The following ELL2 variants were observed in gnomAD, a reference collection of about 807,000 sequenced individuals.
ELL2 encodes RNA polymerase II elongation factor ELL2.
In ELL2, 21 loss-of-function variants were observed where a neutral mutation model predicts 72.8. That is an observed-to-expected ratio of 0.29 (90% CI 0.20 to 0.42). The LOEUF is 0.42. Among genes scored for constraint, ELL2 ranks in the 10% least tolerant of loss-of-function variants. The probability of loss-of-function intolerance (pLI) is 1.00; values close to 1 mark genes in which losing one functional copy is unlikely to be tolerated. For synonymous variants in ELL2, 266 were observed against 283.2 expected (o/e 0.94, Z 0.61); for missense variants, 568 against 772.8 (o/e 0.73, Z 3.14).
In ELL2 at chr5:95,887,527, A is replaced by G. The variant is rs1161730268; in HGVS notation, c.*1344T>C. ...CTTTGAAAAGACAATACAATAAGAC[A>G]ATACAACTTGAATCAACATTAATTC... On this transcript the variant is annotated 3_prime_UTR_variant, in exon 12 of 12. Coordinates refer to ENST00000237853, the MANE Select transcript of ELL2 (RefSeq NM_012081.6). 6.5e-6 allele frequency: 1 copy of G among 152,672 alleles called. No individual in the cohort carries two copies. Among genetic ancestry groups the G allele is most frequent in the Non-Finnish European group, 1.5e-5 (1 of 68,032 alleles). 9.5% of individuals were successfully genotyped at this position (152,672 alleles called of 1,614,324 possible).
chr5:95,958,560 C>T (rs1751701778), intron 1 of ELL2, among the ~76,000 whole-genome samples: 1 of 152,220 alleles, frequency 6.6e-6, no homozygotes. Flanking sequence ...ACTCCAATTC[C>T]TGCTTGCTTG....
intron 4 of ELL2, among the ~76,000 whole-genome samples, chr5:95,912,392 G>A (rs966398175): frequency 6.6e-6 from 1 of 152,056 alleles, no homozygotes; most frequent in African/African-American, 2.4e-5. Context: ...ACAACAATTT[G>A]CCTCACTGTT....
chr5:95,902,545 T>A (rs905393588), intron 5 of ELL2, among the ~76,000 whole-genome samples: 5 of 152,226 alleles, frequency 3.3e-5, no homozygotes, highest in African/African-American at 7.2e-5. Context: ...GACTTCCTAC[T>A]GGAATAGATC....
chr5:95,899,203 G>C (rs1057255653), intron 7 of ELL2, among the ~76,000 whole-genome samples: 2 of 152,182 alleles, frequency 1.3e-5, no homozygotes, highest in Non-Finnish European at 2.9e-5. Flanking sequence ...ACCCTCCATT[G>C]CTGGCTGTGG....
chr5:95,910,788 T>A (rs1749559535), intron 4 of ELL2, among the ~76,000 whole-genome samples: 1 of 152,182 alleles, frequency 6.6e-6, no homozygotes, highest in African/African-American at 2.4e-5. Context: ...AGAAACCTTG[T>A]CCTGCAGGTA....
intron 10 of ELL2, 109 bp downstream of exon 10, chr5:95,890,994 G>T: frequency 7.7e-7 from 1 of 1,298,602 alleles, no homozygotes; most frequent in Non-Finnish European, 1.1e-6. Context: ...AGGCTGGTCT[G>T]CAAGAGTACT....
intron 2 of ELL2, among the ~76,000 whole-genome samples, chr5:95,936,279 T>C (rs1287462664): frequency 6.6e-6 from 1 of 152,236 alleles, no homozygotes; most frequent in African/African-American, 2.4e-5. Context: ...CAGAAATTGA[T>C]GGAAGTCATG....
At chr5:95,898,108 ACTGCT>A in intron 8 of ELL2, 127 bp downstream of exon 8, 1 of 697,252 alleles carries the variant, frequency 1.4e-6, no homozygotes, top group Non-Finnish European at 2.1e-6. Flanking sequence ...AAAAAAAAAA[ACTGCT>A]CAAAAGCACA....
chr5:95,928,425 A>G (rs992027029), intron 2 of ELL2, among the ~76,000 whole-genome samples: 5 of 152,316 alleles, frequency 3.3e-5, no homozygotes, highest in East Asian at 1.9e-4. Flanking sequence ...CAAAATTTAA[A>G]TATACAAAGC....
In ELL2 at chr5:95,885,696, T is replaced by C. The variant is rs191683053; in HGVS notation, c.*3175A>G. 2 of 152,292 alleles carry C rather than the reference T, an allele frequency of 1.3e-5. No individual in the cohort carries two copies. The allele number at this position is 152,292 out of a possible 1,614,324, so 9.4% of individuals were successfully genotyped here. A position where few individuals can be genotyped will look rare whatever the true frequency, so the allele number is the denominator to read the frequency against. ...AAGCAGGCATTTGTTTTACATAAGG[T>C]GAAACACTTTATAAGAGAAAAGAAA... On this transcript the variant is annotated 3_prime_UTR_variant, in exon 12 of 12. Coordinates refer to ENST00000237853, the MANE Select transcript of ELL2 (RefSeq NM_012081.6).
intron 1 of ELL2, among the ~76,000 whole-genome samples, chr5:95,957,265 T>C (rs1297577905): frequency 4.6e-5 from 7 of 152,240 alleles, no homozygotes; most frequent in Admixed American, 2.0e-4. Flanking sequence ...CTAGCTAAAA[T>C]GTATTTTTAA....
At chr5:95,947,876 T>G (rs1224088187) in intron 1 of ELL2, among the ~76,000 whole-genome samples, 2 of 58,814 alleles carry the variant, frequency 3.4e-5, no homozygotes, top group Non-Finnish European at 5.2e-5. Context: ...AAAAAAATAG[T>G]TTTTTTTTCC....
chr5:95,916,337 A>C (rs1749797519), intron 3 of ELL2, among the ~76,000 whole-genome samples: 1 of 152,102 alleles, frequency 6.6e-6, no homozygotes, highest in South Asian at 2.1e-4. Context: ...GTGACCTTGA[A>C]GGAATGAGGA....
intron 2 of ELL2, among the ~76,000 whole-genome samples, chr5:95,920,659 G>T (rs980475087): frequency 2.6e-5 from 4 of 152,086 alleles, no homozygotes; most frequent in Admixed American, 1.3e-4. Flanking sequence ...GCTCAAAAAA[G>T]GTGTGTGCAA....
At chr5:95,926,735 A>G (rs2112321850) in intron 2 of ELL2, among the ~76,000 whole-genome samples, 1 of 152,344 alleles carries the variant, frequency 6.6e-6, no homozygotes, top group Non-Finnish European at 1.5e-5. Flanking sequence ...TAGAAAAATA[A>G]TTCCTGAGAA....
In ELL2 at chr5:95,943,134, A is replaced by G. The variant is rs1313326406; in HGVS notation, c.148-85T>C. On this transcript the variant is annotated intron_variant, in intron 1 of 11. Coordinates refer to ENST00000237853, the MANE Select transcript of ELL2 (RefSeq NM_012081.6). ...AATGTTTAAACTTTAAATCTATGTT[A>G]TTTGGGCCAGGCACAGTGACTCATG... 9.9e-6 allele frequency: 12 copies of G among 1,207,584 alleles called. No individual in the cohort carries two copies. The South Asian group carries it at 1.2e-4, about 12-fold the overall frequency. 74.8% of individuals were successfully genotyped at this position (1,207,584 alleles called of 1,614,324 possible). A position where few individuals can be genotyped will look rare whatever the true frequency, so the allele number is the denominator to read the frequency against.
intron 2 of ELL2, among the ~76,000 whole-genome samples, chr5:95,941,423 G>C (rs1750964622): frequency 1.3e-5 from 2 of 152,110 alleles, no homozygotes; most frequent in Admixed American, 1.3e-4. Flanking sequence ...TTGCAATGCT[G>C]CTTGGGGCCC....
intron 1 of ELL2, among the ~76,000 whole-genome samples, chr5:95,946,698 G>C (rs1751170265): frequency 6.6e-6 from 1 of 152,188 alleles, no homozygotes; most frequent in South Asian, 2.1e-4. Context: ...ACCTTTGTTT[G>C]TTTTGCAAAG....
At chr5:95,905,121 A>C (rs1749303686) in intron 5 of ELL2, among the ~76,000 whole-genome samples, 1 of 152,094 alleles carries the variant, frequency 6.6e-6, no homozygotes, top group South Asian at 2.1e-4. Context: ...AGGCTACCCA[A>C]GGGATTCTAA....
Sources: gnomAD v4.1 joint callset for allele counts (sites outside exome capture counted in the v4.1 genomes callset) on GRCh38, gnomAD v4.1.1 for gene constraint, MANE v1.5 for transcripts, NCBI Gene and HGNC (gene_info 2026-07-23, HGNC 2026-07-21) for gene names.